The following TTC34 variants were observed in gnomAD, a reference collection of about 807,000 sequenced individuals.
TTC34 encodes the protein tetratricopeptide repeat domain 34, also known as tetratricopeptide repeat protein 34.
TTC34 carries 44 observed loss-of-function variants against 40.7 expected under a neutral mutation model. The ratio of observed to expected loss-of-function variants is 1.08; its 90% CI spans 0.85 to 1.39. The LOEUF is 1.39. Ranked by LOEUF, TTC34 falls within the 40% of genes most tolerant of loss-of-function variation. TTC34 has a pLI of 0.00. For synonymous variants in TTC34, 422 were observed against 398.6 expected (o/e 1.06, Z -0.70); for missense variants, 884 against 838.0 (o/e 1.05, Z -0.68).
chr1:2,683,818 G>A (rs1476765165), intron 6 of TTC34, among the ~76,000 whole-genome samples: 2 of 150,814 alleles, frequency 1.3e-5, no homozygotes, highest in African/African-American at 2.5e-5. Context: ...CTGACAGCCG[G>A]GAACAGCACC....
intron 6 of TTC34, among the ~76,000 whole-genome samples, chr1:2,688,370 G>A (rs139599457): frequency 4.0e-4 from 25 of 63,102 alleles, no homozygotes; most frequent in South Asian, 1.1e-3. Flanking sequence ...GCACCCACAC[G>A]CCCAGGTGAG....
intron 8 of TTC34, among the ~76,000 whole-genome samples, chr1:2,642,851 C>T (rs961641349): frequency 6.6e-6 from 1 of 152,212 alleles, no homozygotes; most frequent in Non-Finnish European, 1.5e-5. Context: ...GTCCCACGGC[C>T]CCGGCTTTGC....
At chr1:2,674,233 C>CT (rs1400928655) in intron 6 of TTC34, among the ~76,000 whole-genome samples, 1 of 89,118 alleles carries the variant, frequency 1.1e-5, no homozygotes, top group African/African-American at 3.6e-5. Context: ...GAAAAGCTCC[C>CT]GCACCCCCAG....
Position 2,694,695 on chromosome 1 carries a change from G to A in TTC34, c.2227-49132C>T, listed in dbSNP as rs1484596799. Among the ~76,000 whole-genome samples the A allele has an allele frequency of 2.4e-5, 2 of 84,076 alleles. 1 individual carries two copies. The highest frequency in any genetic ancestry group is 7.6e-5 in the African/African-American group (2 of 26,164). The allele number at this position is 84,076 out of a possible 152,430, so 55.2% of individuals were successfully genotyped here. Reference sequence around the variant, plus strand: ...CCGCCAGGTGACCATTGGACACCCTGGAGCAGCACCCACAACCACAGGTGA... The same window carrying A: ...CCGCCAGGTGACCATTGGACACCCTAGAGCAGCACCCACAACCACAGGTGA... On this transcript the variant is annotated intron_variant, in intron 6 of 8. Coordinates refer to ENST00000401095, the Ensembl canonical transcript of TTC34.
chr1:2,686,635 C>T (rs1467950467), intron 6 of TTC34, among the ~76,000 whole-genome samples: 6 of 137,274 alleles, frequency 4.4e-5, no homozygotes, highest in Non-Finnish European at 6.5e-5. Context: ...TGTAACAGCA[C>T]CCACACACCC....
chr1:2,753,083 C>G (rs1234473640), intron 6 of TTC34, among the ~76,000 whole-genome samples: 1 of 134,128 alleles, frequency 7.5e-6, no homozygotes, highest in East Asian at 2.3e-4. Flanking sequence ...CAGCCTGGAA[C>G]GGCAACCACA....
intron 6 of TTC34, among the ~76,000 whole-genome samples, chr1:2,688,435 G>A (rs1286829512): frequency 9.3e-5 from 14 of 150,914 alleles, no homozygotes; most frequent in Non-Finnish European, 1.6e-4. Context: ...CGACAGCCTG[G>A]AGCAGGACCC....
chr1:2,750,253 G>A (rs1394618802), intron 6 of TTC34, among the ~76,000 whole-genome samples: 6,597 of 34,610 alleles, frequency 0.19, 242 homozygotes, highest in African/African-American at 0.26. Context: ...CCCACAGGTG[G>A]GCATCTGACA....
rs1157085671 is a variant in TTC34 at position 2,752,619 on chromosome 1, G to A, written c.2226+30990C>T. ...CCTGGAACAGGACAAACACCCCCAG[G>A]CGAGCATCTGACACCCTGGAACTGC... On this transcript the variant is annotated intron_variant, in intron 6 of 8. Coordinates refer to ENST00000401095, the Ensembl canonical transcript of TTC34. 5.5e-5 allele frequency among the ~76,000 whole-genome samples: 6 copies of A among 109,842 alleles called. 2 individuals are homozygous for A. The highest frequency in any genetic ancestry group is 2.5e-4 in the African/African-American group (6 of 23,716). The allele number at this position is 109,842 out of a possible 152,430, so 72.1% of individuals were successfully genotyped here.
intron 6 of TTC34, among the ~76,000 whole-genome samples, chr1:2,688,234 G>C (rs1224210152): frequency 7.1e-6 from 1 of 140,962 alleles, no homozygotes; most frequent in East Asian, 2.1e-4. Flanking sequence ...CGACAGCCTG[G>C]AGCAGCACCC....
chr1:2,659,868 T>C (rs1317706698), intron 6 of TTC34, among the ~76,000 whole-genome samples: 20 of 100,124 alleles, frequency 2.0e-4, no homozygotes, highest in South Asian at 6.2e-4. Context: ...GCACCCCATA[T>C]CCCCGGGTGA....
At chr1:2,756,249 C>T (rs1407210593) in intron 6 of TTC34, among the ~76,000 whole-genome samples, 2 of 60,858 alleles carry the variant, frequency 3.3e-5, no homozygotes, top group East Asian at 4.8e-4. Flanking sequence ...ATCTGATGGC[C>T]TGGAACTGCA....
chr1:2,767,655 C>G (rs1360171548), intron 6 of TTC34, among the ~76,000 whole-genome samples: 6 of 102,604 alleles, frequency 5.8e-5, no homozygotes, highest in Non-Finnish European at 1.1e-4. Context: ...TCCAGGTGAG[C>G]ATCCGACAGC....
At chr1:2,647,992 CTTGA>C (rs1252672475) in intron 6 of TTC34, among the ~76,000 whole-genome samples, 2 of 148,688 alleles carry the variant, frequency 1.3e-5, no homozygotes, top group East Asian at 1.9e-4. Flanking sequence ...AGGATCTCCA[CTTGA>C]TTATTACTGT....
At chr1:2,779,655 C>T (rs1643447908) in intron 6 of TTC34, among the ~76,000 whole-genome samples, 1 of 152,132 alleles carries the variant, frequency 6.6e-6, no homozygotes, top group African/African-American at 2.4e-5. Flanking sequence ...TGGGAAATGG[C>T]CATCCTGTTT....
intron 6 of TTC34, among the ~76,000 whole-genome samples, chr1:2,768,858 G>GC (rs1256241922): frequency 4.1e-5 from 4 of 97,974 alleles, no homozygotes; most frequent in Admixed American, 3.3e-4. Context: ...CAAGACCACT[G>GC]CCCCCAGGTG....
chr1:2,684,715 A>G (rs1332112625), intron 6 of TTC34, among the ~76,000 whole-genome samples: 1 of 108,750 alleles, frequency 9.2e-6, no homozygotes, highest in Non-Finnish European at 1.7e-5. Flanking sequence ...CGGCAACCAC[A>G]CCCCCAGGCG....
chr1:2,650,297 C>T (rs537333681), intron 6 of TTC34, among the ~76,000 whole-genome samples: 7 of 147,678 alleles, frequency 4.7e-5, no homozygotes, highest in African/African-American at 1.8e-4. Flanking sequence ...GCACCCCACA[C>T]CCTCAGGTGA....
chr1:2,793,336 A>G (rs1643682324), intron 2 of TTC34, among the ~76,000 whole-genome samples: 1 of 151,804 alleles, frequency 6.6e-6, no homozygotes, highest in Non-Finnish European at 1.5e-5. Context: ...CTTGTATTGA[A>G]TTTTTTTTCT....
Sources: gnomAD v4.1 joint callset for allele counts (sites outside exome capture counted in the v4.1 genomes callset) on GRCh38, gnomAD v4.1.1 for gene constraint, MANE v1.5 for transcripts, NCBI Gene and HGNC (gene_info 2026-07-23, HGNC 2026-07-21) for gene names.